Variants in CHSY3 observed in about 807,000 individuals in gnomAD.
CHSY3 encodes the protein N-acetylgalactosaminyl-proteoglycan 3-beta-glucuronosyltransferase 3.
Under a neutral mutation model 67.2 loss-of-function variants are expected in CHSY3, and 35 were observed. That is an observed-to-expected ratio of 0.52 (90% CI 0.40 to 0.69). CHSY3 has a LOEUF of 0.69. CHSY3 is among the 30% of genes least tolerant of loss of function. The pLI, the probability that CHSY3 is intolerant of heterozygous loss-of-function variation, is 0.00. For synonymous variants in CHSY3, 474 were observed against 434.7 expected (o/e 1.09, Z -1.12); for missense variants, 1,069 against 1,138.5 (o/e 0.94, Z 0.88).
At chr5:129,954,652 T>A (rs1762118338) in intron 2 of CHSY3, among the ~76,000 whole-genome samples, 1 of 152,144 alleles carries the variant, frequency 6.6e-6, no homozygotes, top group Non-Finnish European at 1.5e-5. Flanking sequence ...TCCTCTCTTA[T>A]TTCCTTGAGC....
intron 2 of CHSY3, among the ~76,000 whole-genome samples, chr5:130,055,073 G>A (rs530555337): frequency 6.6e-6 from 1 of 152,258 alleles, no homozygotes; most frequent in South Asian, 2.1e-4. Context: ...CCTGTGGGGA[G>A]TGTGTCTGGC....
At chr5:129,985,622 G>C (rs1165320472) in intron 2 of CHSY3, among the ~76,000 whole-genome samples, 1 of 151,948 alleles carries the variant, frequency 6.6e-6, no homozygotes. Flanking sequence ...TGTGCAGTAT[G>C]GCCATTTTAA....
intron 2 of CHSY3, among the ~76,000 whole-genome samples, chr5:129,993,180 T>C (rs1416566700): frequency 6.6e-6 from 1 of 152,144 alleles, no homozygotes; most frequent in Non-Finnish European, 1.5e-5. Context: ...AATTAATTCA[T>C]GTTGGAGCCA....
chr5:129,926,964 A>T (rs1013998222), intron 2 of CHSY3, among the ~76,000 whole-genome samples: 1 of 151,984 alleles, frequency 6.6e-6, no homozygotes, highest in Non-Finnish European at 1.5e-5. Flanking sequence ...ATTTAACAGT[A>T]TACCACAAAT....
intron 2 of CHSY3, among the ~76,000 whole-genome samples, chr5:130,133,771 TAAAAAAAAAAAAAA>T (rs758023976): frequency 1.7e-5 from 1 of 58,118 alleles, no homozygotes; most frequent in Non-Finnish European, 3.1e-5. Context: ...GACTCCGTCT[TAAAAAAAAAAAAAA>T]AAAAAAAAAA....
intron 2 of CHSY3, among the ~76,000 whole-genome samples, chr5:129,965,307 A>G (rs1029242114): frequency 6.6e-6 from 1 of 151,986 alleles, no homozygotes; most frequent in African/African-American, 2.4e-5. Flanking sequence ...AGTTGCCTAG[A>G]TATATTCTAC....
intron 2 of CHSY3, among the ~76,000 whole-genome samples, chr5:129,943,426 G>A (rs536343494): frequency 8.5e-5 from 13 of 152,266 alleles, no homozygotes; most frequent in African/African-American, 2.4e-4. Flanking sequence ...TAAAATTTTC[G>A]TCAGTTCAAA....
intron 2 of CHSY3, among the ~76,000 whole-genome samples, chr5:130,033,401 G>A (rs538345843): frequency 1.8e-4 from 28 of 152,248 alleles, no homozygotes; most frequent in Non-Finnish European, 3.2e-4. Flanking sequence ...TAGACCCAAA[G>A]AAGAGAGGCA....
At chr5:129,943,909 G>A (rs551960405) in intron 2 of CHSY3, among the ~76,000 whole-genome samples, 2 of 152,238 alleles carry the variant, frequency 1.3e-5, no homozygotes, top group Non-Finnish European at 2.9e-5. Context: ...AATGCTAGGT[G>A]AGTTGCACAA....
chr5:130,168,622 C>T (rs1279873379), intron 2 of CHSY3, among the ~76,000 whole-genome samples: 2 of 152,068 alleles, frequency 1.3e-5, no homozygotes, highest in Non-Finnish European at 2.9e-5. Flanking sequence ...GTCTTTTAGA[C>T]AAAGTTCTTC....
intron 2 of CHSY3, among the ~76,000 whole-genome samples, chr5:130,124,320 C>A (rs1232055884): frequency 6.6e-6 from 1 of 152,026 alleles, no homozygotes; most frequent in Non-Finnish European, 1.5e-5. Flanking sequence ...GCCCCTGAAT[C>A]TTCTTCAGCT....
At chr5:129,947,887 C>A (rs1167877554) in intron 2 of CHSY3, among the ~76,000 whole-genome samples, 1 of 152,100 alleles carries the variant, frequency 6.6e-6, no homozygotes, top group Non-Finnish European at 1.5e-5. Flanking sequence ...TTTTAATATA[C>A]CTGTTGGCTA....
At chr5:130,148,909 T>C (rs995888429) in intron 2 of CHSY3, among the ~76,000 whole-genome samples, 1 of 152,186 alleles carries the variant, frequency 6.6e-6, no homozygotes, top group East Asian at 1.9e-4. Context: ...TTGTATCCCA[T>C]TTATCAGTTC....
At position 130,029,861 on chromosome 5, in the gene CHSY3, A is replaced by T. The variant is rs564267088; in HGVS notation, c.1086+121501A>T. 3.3e-5 allele frequency among the ~76,000 whole-genome samples: 5 copies of T among 152,214 alleles called. No individual in the cohort carries two copies. The South Asian group carries it at 1.0e-3, about 32-fold the overall frequency. ...ATCCCCACTCCATCTTTCCGCTAGA[A>T]ATGGAGGGGTTGAAGTCCAAAGACT... On this transcript the variant is annotated intron_variant, in intron 2 of 2. Transcript: ENST00000305031.
chr5:130,101,985 G>T (rs2149699059), intron 2 of CHSY3, among the ~76,000 whole-genome samples: 1 of 152,214 alleles, frequency 6.6e-6, no homozygotes, highest in East Asian at 1.9e-4. Context: ...AATGGATGTT[G>T]ATGCAAAAAC....
intron 2 of CHSY3, among the ~76,000 whole-genome samples, chr5:130,102,509 G>A (rs989564078): frequency 6.6e-6 from 1 of 151,680 alleles, no homozygotes; most frequent in Admixed American, 6.6e-5. Flanking sequence ...AATGACTAGT[G>A]AGCAATAATA....
chr5:129,938,838 T>C (rs772816767), intron 2 of CHSY3, among the ~76,000 whole-genome samples: 44 of 152,328 alleles, frequency 2.9e-4, no homozygotes, highest in Admixed American at 1.1e-3. Context: ...TCTCTCATTT[T>C]CTCATCTTCT....
intron 2 of CHSY3, among the ~76,000 whole-genome samples, chr5:129,975,351 T>C (rs548957018): frequency 8.5e-5 from 13 of 152,316 alleles, no homozygotes; most frequent in Middle Eastern, 6.8e-3. Context: ...AAATGATTAC[T>C]TTATAATTTA....
intron 2 of CHSY3, among the ~76,000 whole-genome samples, chr5:130,064,605 G>T (rs1765823350): frequency 6.6e-6 from 1 of 152,126 alleles, no homozygotes; most frequent in South Asian, 2.1e-4. Context: ...CTTGTCTGCT[G>T]TTCATTGACT....
Sources: allele counts gnomAD v4.1 joint callset (sites outside exome capture counted in the v4.1 genomes callset), GRCh38; gene constraint gnomAD v4.1.1; transcripts MANE v1.5; gene names NCBI Gene and HGNC (gene_info 2026-07-23, HGNC 2026-07-21).